The following BTBD16 variants were observed in gnomAD, a reference collection of about 807,000 sequenced individuals.
BTBD16 encodes BTB domain containing 16, also known as BTB/POZ domain-containing protein 16.
Under a neutral mutation model 67.4 loss-of-function variants are expected in BTBD16, and 66 were observed. That is an observed-to-expected ratio of 0.98 (90% CI 0.80 to 1.20). The LOEUF is 1.20. Ranked by LOEUF, BTBD16 falls within the 50% of genes most tolerant of loss-of-function variation. The pLI is 0.00. For synonymous variants in BTBD16, 242 were observed against 236.4 expected, an observed-to-expected ratio of 1.02 and a Z score of -0.22; for missense variants, 634 against 616.0, an observed-to-expected ratio of 1.03 and a Z score of -0.31.
chr10:122,310,275 A>G lies in BTBD16; in HGVS notation c.911+2967A>G, dbSNP rs145821105. On this transcript the variant is annotated intron_variant, in intron 10 of 15. Coordinates refer to ENST00000260723, the MANE Select transcript of BTBD16 (RefSeq NM_144587.5). ...TAGGCTCTGAGAAGAAGAATGTCGC[A>G]GTAGATTAGCGGTGTCTATCCTGGC... is the stretch of plus-strand genomic sequence containing the variant. 5.8e-3 allele frequency among the ~76,000 whole-genome samples: 879 copies of G among 152,346 alleles called. 14 individuals are homozygous for G. Among genetic ancestry groups the G allele is most frequent in the African/African-American group, 0.02 (852 of 41,586 alleles).
intron 4 of BTBD16, 95 bp downstream of exon 4, chr10:122,284,019 GCGCTAGTGTA>G: frequency 1.1e-6 from 1 of 892,708 alleles, no homozygotes; most frequent in Non-Finnish European, 1.9e-6. Flanking sequence ...ATAAACCAGG[GCGCTAGTGTA>G]TAAGTTGCAA....
chr10:122,284,719 G>A (rs2096360225), intron 4 of BTBD16, among the ~76,000 whole-genome samples: 1 of 144,454 alleles, frequency 6.9e-6, no homozygotes, highest in Non-Finnish European at 1.5e-5. Flanking sequence ...ACTGCATGGT[G>A]TGACTGCCTG....
rs1320525526 is a variant in BTBD16, at chr10:122,299,080, T to C, written c.737T>C (p.Ile246Thr). 6.2e-7 allele frequency: 1 copy of C among 1,613,988 alleles called. No individual in the cohort carries two copies. Among genetic ancestry groups the C allele is most frequent in the South Asian group, 1.1e-5 (1 of 91,040 alleles). The change falls in exon 9 of 16, where the codon ATC (isoleucine) becomes ACC (threonine). Residue 246 changes from isoleucine (I) to threonine (T), a missense_variant. Ile to Thr is a moderately conservative substitution (Grantham distance 89). Transcript: ENST00000260723. ...MNLVPLGGTQIHLHKIPQDLL... is the reference protein window; with the variant it reads ...MNLVPLGGTQTHLHKIPQDLL... ...TTGGTTCCTCTAGGGGGGACGCAGATCCACCTCCACAAAATCCCACAGGAC... is the reference window on the plus strand; with the variant it reads ...TTGGTTCCTCTAGGGGGGACGCAGACCCACCTCCACAAAATCCCACAGGAC...
chr10:122,334,673 AT>A (rs66947410), intron 13 of BTBD16, among the ~76,000 whole-genome samples: 33,135 of 115,158 alleles, frequency 0.29, 4,572 homozygotes, highest in East Asian at 0.46. Context: ...CGCCTGGCTA[AT>A]TTTTTTTTTT....
intron 10 of BTBD16, among the ~76,000 whole-genome samples, chr10:122,327,799 G>T (rs761737615): frequency 3.9e-5 from 6 of 152,192 alleles, no homozygotes; most frequent in Non-Finnish European, 8.8e-5. Flanking sequence ...TCAGGGTCTC[G>T]GTTCCTCTTG....
chr10:122,291,395 T>A, intron 7 of BTBD16: 1 of 568,652 alleles, frequency 1.8e-6, no homozygotes, highest in Non-Finnish European at 2.8e-6. Flanking sequence ...AGCAACACGC[T>A]AGTTTTAACC....
At chr10:122,310,482 G>T (rs2096411817) in intron 10 of BTBD16, among the ~76,000 whole-genome samples, 1 of 152,180 alleles carries the variant, frequency 6.6e-6, no homozygotes, top group Non-Finnish European at 1.5e-5. Flanking sequence ...GGAGACTGCA[G>T]GGAGTCACGG....
At position 122,297,772 on chromosome 10, in the gene BTBD16, G is replaced by A. The variant is rs193253606; in HGVS notation, c.595G>A (p.Val199Met). The change falls in exon 8 of 16, where the codon GTG (valine) becomes ATG (methionine). Residue 199 changes from valine (V) to methionine (M), a missense_variant. Val to Met is a conservative substitution (Grantham distance 21). Transcript: ENST00000260723. ...LQFSGLFQRC[V>M]DVMIARLKPS... is the part of the protein sequence containing the mutation. ...ACTGCAGTTCTCTCTCTCCAGGTGC[G>A]TGGATGTGATGATAGCCAGACTCAA... 71 of 1,614,144 alleles carry A rather than the reference G, an allele frequency of 4.4e-5. No homozygotes were observed. Among genetic ancestry groups the A allele is most frequent in the Admixed American group, 1.3e-4 (8 of 60,024 alleles).
intron 9 of BTBD16, among the ~76,000 whole-genome samples, chr10:122,304,432 T>C (rs1221865901): frequency 6.6e-6 from 1 of 152,016 alleles, no homozygotes; most frequent in Non-Finnish European, 1.5e-5. Context: ...AGACTGAAAA[T>C]GTCAACGGGT....
chr10:122,291,216 T>TGGGCA, intron 7 of BTBD16, 22 bp downstream of exon 7: 1 of 1,603,472 alleles, frequency 6.2e-7, no homozygotes, highest in Non-Finnish European at 8.5e-7. Context: ...AGGCTGACTT[T>TGGGCA]GGGCAGGGCC....
Position 122,275,099 on chromosome 10 carries a change from G to C in BTBD16, c.18G>C (p.Thr6=). Residue 6 remains threonine (T), a splice_region_variant and synonymous_variant, in exon 2 of 16, where the codon ACG becomes ACC. Transcript: ENST00000260723. Reference sequence around the variant, plus strand: ...TTTCATTCATGATAATGTCGAACACGGTGAGTAGATCAGTTTCTCAAGAAG... The same window carrying C: ...TTTCATTCATGATAATGTCGAACACCGTGAGTAGATCAGTTTCTCAAGAAG... The part of the protein sequence containing the change: MIMSN[T]HKARLERRVT... 6.2e-7 allele frequency: 1 copy of C among 1,613,650 alleles called. No individual in the cohort carries two copies. Among genetic ancestry groups the C allele is most frequent in the Non-Finnish European group, 8.5e-7 (1 of 1,179,700 alleles).
chr10:122,271,886 T>G (rs2096329470), intron 1 of BTBD16, among the ~76,000 whole-genome samples: 1 of 152,194 alleles, frequency 6.6e-6, no homozygotes, highest in South Asian at 2.1e-4. Context: ...AACCCCAGCC[T>G]CCCTCTCTCT....
At chr10:122,331,030 C>A in intron 11 of BTBD16, 146 bp from the exon 12 acceptor site, 2 of 1,010,556 alleles carry the variant, frequency 2.0e-6, no homozygotes, top group Non-Finnish European at 2.7e-6. Context: ...TTTATTTCCA[C>A]TTTGTCAATC....
chr10:122,304,720 A>AT (rs1335482743), intron 9 of BTBD16, among the ~76,000 whole-genome samples: 1 of 151,732 alleles, frequency 6.6e-6, no homozygotes, highest in African/African-American at 2.4e-5. Flanking sequence ...TGCCCGGATA[A>AT]TTTTTTGTAT....
chr10:122,324,055 T>C (rs965561203), intron 10 of BTBD16, among the ~76,000 whole-genome samples: 21 of 152,308 alleles, frequency 1.4e-4, no homozygotes, highest in Admixed American at 3.9e-4. Flanking sequence ...AATTCCCATA[T>C]GATCCCAACT....
intron 5 of BTBD16, among the ~76,000 whole-genome samples, chr10:122,287,243 C>T (rs2096365636): frequency 6.6e-6 from 1 of 152,204 alleles, no homozygotes; most frequent in Non-Finnish European, 1.5e-5. Flanking sequence ...AAGGGCCAGA[C>T]TGGGCTCTTC....
At chr10:122,279,140 C>T (rs1300247111) in intron 3 of BTBD16, among the ~76,000 whole-genome samples, 1 of 152,056 alleles carries the variant, frequency 6.6e-6, no homozygotes, top group African/African-American at 2.4e-5. Flanking sequence ...ATTGAAGTCA[C>T]TGGTGCAGTC....
intron 14 of BTBD16, 101 bp downstream of exon 14, chr10:122,335,080 C>A: frequency 1.6e-6 from 1 of 631,148 alleles, no homozygotes; most frequent in South Asian, 2.2e-5. Context: ...ATTAATTACT[C>A]ATTGACATGA....
chr10:122,327,490 C>A (rs2096447210), intron 10 of BTBD16: 2 of 615,832 alleles, frequency 3.2e-6, no homozygotes, highest in Non-Finnish European at 4.1e-6. Context: ...TCCCACTTGA[C>A]AGAGGAGAGT....
Sources: gnomAD v4.1 joint callset for allele counts (sites outside exome capture counted in the v4.1 genomes callset) on GRCh38, gnomAD v4.1.1 for gene constraint, MANE v1.5 for transcripts, NCBI Gene and HGNC (gene_info 2026-07-23, HGNC 2026-07-21) for gene names.